The following SIRT6 variants were observed in gnomAD, a reference collection of about 807,000 sequenced individuals.
The protein encoded by SIRT6 is NAD-dependent protein deacylase sirtuin-6.
SIRT6 carries 21 observed loss-of-function variants against 33.6 expected under a neutral mutation model. The observed-to-expected ratio is 0.62, with a 90% CI of 0.44 to 0.90. The LOEUF (loss-of-function observed/expected upper bound fraction) is 0.90. Among genes scored for constraint, SIRT6 ranks in the 40% least tolerant of loss-of-function variants. The pLI is 0.00. For synonymous variants in SIRT6, 221 were observed against 223.9 expected, an observed-to-expected ratio of 0.99 and a Z score of 0.12; for missense variants, 504 against 510.6, an observed-to-expected ratio of 0.99 and a Z score of 0.12.
intron 1 of SIRT6, 91 bp downstream of exon 1, chr19:4,182,383 C>A: frequency 1.5e-6 from 2 of 1,315,086 alleles, no homozygotes; most frequent in Non-Finnish European, 2.1e-6. Context: ...CCTCAGTGCC[C>A]CCTGATATTC....
At chr19:4,176,894 C>T (rs1384795887) in intron 4 of SIRT6, among the ~76,000 whole-genome samples, 185 bp downstream of exon 4, 4 of 140,142 alleles carry the variant, frequency 2.9e-5, no homozygotes, top group South Asian at 2.5e-4. Context: ...GGAAGACATG[C>T]CCCCCAAATC....
rs144873924 is a variant in SIRT6, at chr19:4,180,030, C to A, written c.195-744G>T. The stretch of plus-strand genomic sequence containing the variant: ...ACAAGGTATTCAGAACTCTACACTG[C>A]CTGGCAATGGGGAGCCACAGCAGGT... On this transcript the variant is annotated intron_variant, in intron 2 of 7. Coordinates refer to ENST00000337491, the MANE Select transcript of SIRT6 (RefSeq NM_016539.4). Among the ~76,000 whole-genome samples, 518 of 150,690 alleles carry A rather than the reference C, an allele frequency of 3.4e-3. 2 individuals are homozygous for A. Among genetic ancestry groups the A allele is most frequent in the African/African-American group, 0.012 (488 of 41,020 alleles).
chr19:4,179,597 A>C (rs1202122056), intron 2 of SIRT6: 4 of 436,304 alleles, frequency 9.2e-6, no homozygotes, highest in Non-Finnish European at 1.6e-5. Context: ...GAAGGCAAAA[A>C]TGACTTATTC....
In SIRT6 at chr19:4,179,302, C is replaced by T. The variant is rs201722014; in HGVS notation, c.195-16G>A. On this transcript the variant is annotated splice_polypyrimidine_tract_variant and intron_variant, in intron 2 of 7. Coordinates refer to ENST00000337491, the MANE Select transcript of SIRT6 (RefSeq NM_016539.4). ...GTGGGGACCCCTGAAGGTGGCAGGC[C>T]GGGAGAGATGGACGGGGAGAGGGGA... The T allele has an allele frequency of 1.5e-5, 24 of 1,579,976 alleles. No individual in the cohort carries two copies. The highest frequency in any genetic ancestry group is 5.5e-5 in the Admixed American group (3 of 54,614).
intron 3 of SIRT6, among the ~76,000 whole-genome samples, chr19:4,178,524 C>T (rs1377517943): frequency 1.3e-5 from 2 of 152,204 alleles, no homozygotes; most frequent in Middle Eastern, 3.4e-3. Flanking sequence ...GTGTCAGACA[C>T]GTTTAGTGTC....
chr19:4,180,822 C>A lies in SIRT6; in HGVS notation c.154G>T (p.Gly52Cys). 1 of 1,613,600 alleles carries A rather than the reference C, an allele frequency of 6.2e-7. No homozygotes were observed. Among genetic ancestry groups the A allele is most frequent in the South Asian group, 1.1e-5 (1 of 91,028 alleles). Reference protein sequence around the residue: ...WQSSSVVFHTGAGISTASGIP... With the variant: ...WQSSSVVFHTCAGISTASGIP... ...CCAGAGGCAGTGCTGATGCCGGCAC[C>A]CGTGTGGAACACCACACTGGAAGAC... The change falls in exon 2 of 8, where the codon GGT becomes TGT. Residue 52 changes from glycine (G) to cysteine (C), a missense_variant. Physicochemically the swap from Gly to Cys is radical, Grantham distance 159 (BLOSUM62 -3). Transcript: ENST00000337491.
chr19:4,179,104 C>G lies in SIRT6; in HGVS notation c.377G>C (p.Arg126Thr), dbSNP rs757028991. 6.2e-7 allele frequency: 1 copy of G among 1,611,706 alleles called. No individual in the cohort carries two copies. The highest frequency in any genetic ancestry group is 8.5e-7 in the Non-Finnish European group (1 of 1,179,762). The change falls in exon 3 of 8, where the codon AGG becomes ACG. Residue 126 changes from arginine (R) to threonine (T), a missense_variant and splice_region_variant. By Grantham distance (71) the Arg-to-Thr change is moderately conservative. Coordinates refer to ENST00000337491, the MANE Select transcript of SIRT6 (RefSeq NM_016539.4). ...TGTGGGGGCGGGGCCAGGGTGTTACCTGGGGAAGCCTGAGCGCACATGGAG... is the reference window on the plus strand; with the variant it reads ...TGTGGGGGCGGGGCCAGGGTGTTACGTGGGGAAGCCTGAGCGCACATGGAG... ...DGLHVRSGFPRDKLAELHGNM... is the reference protein window; with the variant it reads ...DGLHVRSGFPTDKLAELHGNM...
At chr19:4,175,461 C>T (rs144013468) in intron 6 of SIRT6, 290 of 625,968 alleles carry the variant, frequency 4.6e-4, no homozygotes, top group Non-Finnish European at 7.1e-4. Flanking sequence ...AGACACCTGG[C>T]GGAAGCCTTG....
intron 1 of SIRT6, chr19:4,182,269 G>A: frequency 1.8e-6 from 1 of 550,284 alleles, no homozygotes; most frequent in Non-Finnish European, 3.2e-6. Context: ...TCCCCGATCA[G>A]CCCCGACAGG....
chr19:4,182,428 C>T, intron 1 of SIRT6, 46 bp downstream of exon 1: 1 of 1,576,362 alleles, frequency 6.3e-7, no homozygotes, highest in Non-Finnish European at 8.6e-7. Flanking sequence ...CCGCTCCCAG[C>T]CCGCGGCCCT....
chr19:4,176,600 AAC>A (rs1967318539), intron 4 of SIRT6, among the ~76,000 whole-genome samples: 1 of 152,022 alleles, frequency 6.6e-6, no homozygotes, highest in Non-Finnish European at 1.5e-5. Flanking sequence ...AAAAAGGAGA[AAC>A]ACAGAGATAA....
Position 4,175,884 on chromosome 19 carries a change from C to T in SIRT6, c.491G>A (p.Arg164Gln), listed in dbSNP as rs200159162. Residue 164 changes from arginine to glutamine, a missense_variant, in exon 5 of 8, where the codon CGG (arginine) becomes CAG (glutamine). Physicochemically the swap from Arg to Gln is conservative, Grantham distance 43. Coordinates refer to ENST00000337491, the MANE Select transcript of SIRT6 (RefSeq NM_016539.4). ...VGTMGLKATG[R>Q]LCTVAKARGL... ...CCTTGCCTTAGCCACGGTGCAGAGC[C>T]GGCCCGTGGCCTTCAGGCCCATGGT... The T allele has an allele frequency of 7.7e-6, 12 of 1,567,848 alleles. No individual in the cohort carries two copies. In the South Asian group the frequency reaches 8.2e-5, roughly 11 times the overall value.
chr19:4,179,313 G>T, intron 2 of SIRT6, 27 bp from the exon 3 acceptor site: 1 of 1,562,812 alleles, frequency 6.4e-7, no homozygotes, highest in Non-Finnish European at 8.7e-7. Flanking sequence ...GGGAGAGATG[G>T]ACGGGGAGAG....
chr19:4,175,786 C>A (rs748222773), intron 5 of SIRT6, 26 bp from the exon 6 acceptor site: 1 of 1,555,344 alleles, frequency 6.4e-7, no homozygotes, highest in Non-Finnish European at 8.7e-7. Flanking sequence ...TGAGGAGAGT[C>A]CTCAGGGGCC....
Position 4,174,531 on chromosome 19 carries a change from G to T in SIRT6, c.*86C>A. The T allele has an allele frequency of 2.4e-6, 3 of 1,257,608 alleles. No homozygotes were observed. The highest frequency in any genetic ancestry group is 1.8e-5 in the South Asian group (1 of 54,586). The allele number at this position is 1,257,608 out of a possible 1,614,324, so 77.9% of individuals were successfully genotyped here. ...CTCTCAGAGCCCTGAGGCTCCCGGG[G>T]ACAGAAACAAGTAACAAAGTGAGAC... On this transcript the variant is annotated 3_prime_UTR_variant, in exon 8 of 8. Transcript: ENST00000337491. The surrounding 1 kb of genome is among the most constrained non-coding windows in gnomAD (Gnocchi z 4.2).
intron 1 of SIRT6, 93 bp downstream of exon 1, chr19:4,182,381 C>A: frequency 3.1e-6 from 4 of 1,288,610 alleles, no homozygotes; most frequent in South Asian, 1.4e-5. Flanking sequence ...AGCCTCAGTG[C>A]CCCCTGATAT....
chr19:4,180,627 G>A, intron 2 of SIRT6, 155 bp downstream of exon 2: 1 of 907,570 alleles, frequency 1.1e-6, no homozygotes. Context: ...GATCCACCAT[G>A]CCCAGCCAAG....
In SIRT6 at chr19:4,182,507, C is replaced by T. The variant is rs1413715601; in HGVS notation, c.33G>A (p.Pro11=). The T allele has an allele frequency of 3.7e-6, 6 of 1,611,164 alleles. No homozygotes were observed. Among genetic ancestry groups the T allele is most frequent in the Non-Finnish European group, 5.1e-6 (6 of 1,179,098 alleles). Residue 11 remains proline (P), a synonymous_variant, in exon 1 of 8, where the codon CCG becomes CCA. Transcript: ENST00000337491. ...GGCCGCACTTGCCCTTGTCCGCGTA[C>T]GGCGACAGCCCCGCCGCGTAATTCA... MSVNYAAGLS[P]YADKGKCGLP...
chr19:4,178,538 T>G (rs1406140041), intron 3 of SIRT6, among the ~76,000 whole-genome samples: 3 of 152,172 alleles, frequency 2.0e-5, no homozygotes, highest in African/African-American at 4.8e-5. Flanking sequence ...TAGTGTCAGA[T>G]TAATAAAGAT....
Sources: gnomAD v4.1 joint callset for allele counts (sites outside exome capture counted in the v4.1 genomes callset) on GRCh38, gnomAD v4.1.1 for gene constraint, Gnocchi (gnomAD v3.1) non-coding constraint, MANE v1.5 for transcripts, NCBI Gene and HGNC (gene_info 2026-07-23, HGNC 2026-07-21) for gene names.